PKP4: variants seen among roughly 807,000 people sequenced by gnomAD.
The protein encoded by PKP4 is plakophilin-4.
In PKP4, 90 loss-of-function variants were observed where a neutral mutation model predicts 145.1. The observed-to-expected ratio is 0.62, with a 90% CI of 0.52 to 0.74. The LOEUF (loss-of-function observed/expected upper bound fraction) is 0.74. PKP4 is among the 30% of genes least tolerant of loss of function. The pLI is 0.00. For synonymous variants in PKP4, 563 were observed against 577.2 expected (o/e 0.98, Z 0.35); for missense variants, 1,340 against 1,482.7 (o/e 0.90, Z 1.58).
intron 1 of PKP4, among the ~76,000 whole-genome samples, chr2:158,491,719 G>C (rs1050961821): frequency 4.6e-5 from 7 of 151,806 alleles, no homozygotes; most frequent in Non-Finnish European, 1.0e-4. Flanking sequence ...CCCCACCCCA[G>C]CCATATAGCT....
intron 1 of PKP4, among the ~76,000 whole-genome samples, chr2:158,487,660 A>G (rs976961560): frequency 1.3e-5 from 2 of 152,336 alleles, no homozygotes; most frequent in African/African-American, 4.8e-5. Flanking sequence ...AGTTTCTGCA[A>G]ATACTATTCC....
rs1693193642 is a variant in PKP4, at chr2:158,480,531, C to T, written c.-6+23313C>T. Reference sequence around the variant, plus strand: ...GGATTACAGGTGTGAGCCACCGCGCCTGGCCTCTGGGATTCTTTTTTTTTT... The same window carrying T: ...GGATTACAGGTGTGAGCCACCGCGCTTGGCCTCTGGGATTCTTTTTTTTTT... On this transcript the variant is annotated intron_variant, in intron 1 of 21. Coordinates refer to ENST00000389759, the MANE Select transcript of PKP4 (RefSeq NM_003628.6). Among the ~76,000 whole-genome samples the T allele has an allele frequency of 6.6e-5, 10 of 151,184 alleles. 1 individual carries two copies. In the South Asian group the frequency reaches 2.1e-3, roughly 31 times the overall value.
intron 2 of PKP4, among the ~76,000 whole-genome samples, chr2:158,562,571 A>G (rs570380206): frequency 5.3e-5 from 8 of 152,200 alleles, no homozygotes; most frequent in Non-Finnish European, 1.2e-4. Context: ...TTGCACAACA[A>G]TGTGAATATA....
intron 1 of PKP4, among the ~76,000 whole-genome samples, chr2:158,517,182 A>T (rs2042004804): frequency 6.6e-6 from 1 of 152,238 alleles, no homozygotes; most frequent in African/African-American, 2.4e-5. Context: ...TTATTTAAAC[A>T]GATTGAGATT....
intron 1 of PKP4, among the ~76,000 whole-genome samples, chr2:158,490,546 G>T (rs1205306606): frequency 6.6e-6 from 1 of 152,204 alleles, no homozygotes; most frequent in African/African-American, 2.4e-5. Context: ...TAGCTAATTT[G>T]TCATAGAGGA....
intron 10 of PKP4, among the ~76,000 whole-genome samples, chr2:158,641,649 T>C (rs2054292355): frequency 6.6e-6 from 1 of 152,178 alleles, no homozygotes; most frequent in South Asian, 2.1e-4. Flanking sequence ...TGCATAACAG[T>C]ATACCAGTTC....
chr2:158,474,691 A>G (rs1692171144), intron 1 of PKP4, among the ~76,000 whole-genome samples: 1 of 152,088 alleles, frequency 6.6e-6, no homozygotes, highest in Non-Finnish European at 1.5e-5. Flanking sequence ...AGGCTGTTCC[A>G]TAGTAGAGAT....
chr2:158,511,928 GGGTAGTATTAAAGCCAGCAAGAAT>G (rs891987600), intron 1 of PKP4, among the ~76,000 whole-genome samples: 1 of 152,136 alleles, frequency 6.6e-6, no homozygotes, highest in Non-Finnish European at 1.5e-5. Context: ...TCCTCAAAAT[GGGTAGTATTAAAGCCAGCAAGAAT>G]GGTATGGCAT....
At chr2:158,623,154 C>G (rs1302353654) in intron 6 of PKP4, among the ~76,000 whole-genome samples, 1 of 152,054 alleles carries the variant, frequency 6.6e-6, no homozygotes, top group Non-Finnish European at 1.5e-5. Context: ...TATTACCACC[C>G]AATCATGCTT....
rs1425835300 is a variant in PKP4 at position 158,673,884 on chromosome 2, A to G, written c.3011A>G (p.Asp1004Gly). The change falls in exon 19 of 22, where the codon GAT becomes GGT. Residue 1004 changes from aspartate (D) to glycine (G), a missense_variant and splice_region_variant. Transcript: ENST00000389759. ...TTTCTTTTTCTCTTAACTCTGCAGGATGGGTGGAATCAGAACCATTTTATT... is the reference window on the plus strand; with the variant it reads ...TTTCTTTTTCTCTTAACTCTGCAGGGTGGGTGGAATCAGAACCATTTTATT... ...YRDLRSIYKKDGWNQNHFITP... is the reference protein window; with the variant it reads ...YRDLRSIYKKGGWNQNHFITP... 6.3e-7 allele frequency: 1 copy of G among 1,594,234 alleles called. No individual in the cohort carries two copies. Among genetic ancestry groups the G allele is most frequent in the Admixed American group, 1.7e-5 (1 of 60,008 alleles).
At chr2:158,573,263 A>G (rs1033626958) in intron 2 of PKP4, among the ~76,000 whole-genome samples, 5 of 152,344 alleles carry the variant, frequency 3.3e-5, no homozygotes, top group Admixed American at 2.0e-4. Flanking sequence ...AAACTGTACA[A>G]TATACCAATT....
intron 2 of PKP4, among the ~76,000 whole-genome samples, chr2:158,553,037 A>G (rs369520346): frequency 2.0e-4 from 31 of 152,304 alleles, no homozygotes; most frequent in African/African-American, 7.2e-4. Flanking sequence ...TGTCTCTCCC[A>G]GTCCTGTAGA....
intron 12 of PKP4, chr2:158,660,796 T>C (rs775761245): frequency 4.6e-5 from 7 of 152,144 alleles, no homozygotes; most frequent in African/African-American, 1.4e-4. Flanking sequence ...CCTCTGTTCA[T>C]CCAAAAAACA....
intron 3 of PKP4, among the ~76,000 whole-genome samples, chr2:158,581,862 A>G (rs1240398420): frequency 6.6e-6 from 1 of 152,244 alleles, no homozygotes; most frequent in African/African-American, 2.4e-5. Flanking sequence ...TAGTTTTTCT[A>G]TTAATGACTC....
chr2:158,541,691 C>T (rs942829686), intron 2 of PKP4, among the ~76,000 whole-genome samples: 17 of 151,872 alleles, frequency 1.1e-4, no homozygotes, highest in African/African-American at 4.1e-4. Context: ...TTAATTTTTC[C>T]TTTAAAAATT....
intron 3 of PKP4, among the ~76,000 whole-genome samples, chr2:158,594,454 C>T (rs2049547515): frequency 1.3e-5 from 2 of 152,160 alleles, no homozygotes; most frequent in African/African-American, 4.8e-5. Flanking sequence ...CAGTTAGGCA[C>T]CTGTTGTCAC....
intron 1 of PKP4, among the ~76,000 whole-genome samples, chr2:158,516,059 T>A (rs1376453103): frequency 1.3e-4 from 18 of 133,490 alleles, no homozygotes; most frequent in Admixed American, 7.6e-4. Context: ...TTTTTTTTTT[T>A]ATACACATGA....
At position 158,625,293 on chromosome 2, in the gene PKP4, G is replaced by A. The variant is rs537566867; in HGVS notation, c.1019G>A (p.Arg340His). ...QGQVGSSSPK[R>H]SGMTAVPQHL... is the part of the protein sequence containing the mutation. ...CAGGTGGGGTCGTCGTCCCCCAAAC[G>A]CTCAGGGATGACCGCCGTACCACAG... The change falls in exon 7 of 22, where the codon CGC becomes CAC. Residue 340 changes from arginine to histidine, a missense_variant. Transcript: ENST00000389759. The A allele has an allele frequency of 1.8e-5, 29 of 1,614,132 alleles. No homozygotes were observed. The East Asian group carries it at 2.7e-4, about 15-fold the overall frequency.
chr2:158,619,661 A>T (rs988350137), intron 4 of PKP4, among the ~76,000 whole-genome samples: 1 of 152,148 alleles, frequency 6.6e-6, no homozygotes, highest in Non-Finnish European at 1.5e-5. Flanking sequence ...ATGAGTCAGC[A>T]CTCAGTAAAA....
Sources: allele counts gnomAD v4.1 joint callset (sites outside exome capture counted in the v4.1 genomes callset), GRCh38; gene constraint gnomAD v4.1.1; transcripts MANE v1.5; gene names NCBI Gene and HGNC (gene_info 2026-07-23, HGNC 2026-07-21).